KIF26B: variants seen among roughly 807,000 people sequenced by gnomAD.
KIF26B encodes the protein kinesin-like protein KIF26B.
A neutral mutation model predicts 151.2 loss-of-function variants in KIF26B; 63 were observed. The observed-to-expected ratio is 0.42, with a 90% CI of 0.34 to 0.51. The LOEUF (loss-of-function observed/expected upper bound fraction) is 0.51, where lower values mean the gene tolerates loss of function less well. Among genes scored for constraint, KIF26B ranks in the 20% least tolerant of loss-of-function variants. The pLI, the probability that KIF26B is intolerant of heterozygous loss-of-function variation, is 0.07. For missense variants in KIF26B, 2,813 were observed against 2,913.6 expected, an observed-to-expected ratio of 0.97 and a Z score of 0.79; for synonymous variants, 1,357 against 1,262.1, an observed-to-expected ratio of 1.08 and a Z score of -1.59.
intron 2 of KIF26B, among the ~76,000 whole-genome samples, chr1:245,214,996 G>A (rs1397955872): frequency 6.6e-6 from 1 of 152,040 alleles, no homozygotes; most frequent in Non-Finnish European, 1.5e-5. Flanking sequence ...TGAAGGAGGT[G>A]GCATGTCAGT....
rs149760234 is a variant in KIF26B at position 245,616,154 on chromosome 1, CAAA to C, written c.2098+4184_2098+4186del. The stretch of plus-strand genomic sequence containing the variant: ...CATTTTACACATATAAGTAGACAGA[CAAA>C]AAAAAGTTTTAAACATTTCCAGTCA... On this transcript the variant is annotated intron_variant, in intron 9 of 14. Coordinates refer to ENST00000407071, the MANE Select transcript of KIF26B (RefSeq NM_018012.4). 1.8e-4 allele frequency among the ~76,000 whole-genome samples: 28 copies of C among 151,862 alleles called. No homozygotes were observed. The East Asian group carries it at 4.8e-3, about 26-fold the overall frequency.
intron 2 of KIF26B, among the ~76,000 whole-genome samples, chr1:245,211,750 C>T (rs1669537615): frequency 6.6e-6 from 1 of 152,234 alleles, no homozygotes; most frequent in Non-Finnish European, 1.5e-5. Context: ...TTCTTCTCTT[C>T]CTCATCTTCC....
intron 4 of KIF26B, among the ~76,000 whole-genome samples, chr1:245,464,548 GGTGTGTTCCTGTGTGGGTGTGTGGGTGT>G (rs1200448185): frequency 4.5e-4 from 66 of 146,668 alleles, no homozygotes; most frequent in Admixed American, 2.7e-3. Flanking sequence ...GGTGTGCGTG[GGTGTGTTCCTGTGTGGGTGTGTGGGTGT>G]GTGTGCACGT....
At chr1:245,267,141 C>T (rs546944388) in intron 2 of KIF26B, among the ~76,000 whole-genome samples, 7 of 152,330 alleles carry the variant, frequency 4.6e-5, no homozygotes, top group African/African-American at 1.7e-4. Flanking sequence ...CTCCTCGCCG[C>T]CTGCCACATC....
intron 4 of KIF26B, chr1:245,511,147 T>A (rs773844743): frequency 1.4e-6 from 1 of 717,152 alleles, no homozygotes; most frequent in South Asian, 1.5e-5. Context: ...CGCAGTTATA[T>A]ATGTTGCTGG....
At chr1:245,517,668 G>A (rs933950556) in intron 4 of KIF26B, among the ~76,000 whole-genome samples, 10 of 152,096 alleles carry the variant, frequency 6.6e-5, no homozygotes, top group African/African-American at 2.4e-4. Flanking sequence ...CTATAATACC[G>A]GTGATAAGCC....
Position 245,540,638 on chromosome 1 carries a change from T to C in KIF26B, c.1167-129T>C. On this transcript the variant is annotated intron_variant, in intron 4 of 14. Transcript: ENST00000407071. The surrounding 1 kb of genome is among the most constrained non-coding windows in gnomAD (Gnocchi z 4.6). ...AGTAAGGGACTGCTACAGAGGACACTGAGCAGGAGGAGAGAAGGAATGATT... is the reference window on the plus strand; with the variant it reads ...AGTAAGGGACTGCTACAGAGGACACCGAGCAGGAGGAGAGAAGGAATGATT... 1.2e-6 allele frequency: 1 copy of C among 846,024 alleles called. No individual in the cohort carries two copies. The highest frequency in any genetic ancestry group is 1.3e-5 in the South Asian group (1 of 74,412). The allele number at this position is 846,024 out of a possible 1,614,324, so 52.4% of individuals were successfully genotyped here.
At chr1:245,290,100 T>G (rs1442039591) in intron 2 of KIF26B, among the ~76,000 whole-genome samples, 2 of 152,210 alleles carry the variant, frequency 1.3e-5, no homozygotes, top group Non-Finnish European at 1.5e-5. Flanking sequence ...GGTCAGGCAC[T>G]GTGTCTTGTC....
intron 10 of KIF26B, among the ~76,000 whole-genome samples, chr1:245,666,689 T>G (rs918115803): frequency 1.3e-5 from 2 of 152,030 alleles, no homozygotes; most frequent in African/African-American, 2.4e-5. Context: ...TTGTGGCCCT[T>G]TTTGAAACAC....
chr1:245,370,663 T>A (rs760475462), intron 3 of KIF26B: 1 of 455,952 alleles, frequency 2.2e-6, no homozygotes, highest in Admixed American at 2.4e-5. Context: ...CAGAGGAGCA[T>A]GAAACTGGTG....
At chr1:245,621,814 C>T (rs971414368) in intron 9 of KIF26B, among the ~76,000 whole-genome samples, 1 of 152,236 alleles carries the variant, frequency 6.6e-6, no homozygotes, top group Non-Finnish European at 1.5e-5. Context: ...AATTCTGTGC[C>T]TACGGCAACT....
chr1:245,541,697 C>T (rs938843975), intron 5 of KIF26B, among the ~76,000 whole-genome samples: 3 of 152,166 alleles, frequency 2.0e-5, no homozygotes, highest in Non-Finnish European at 2.9e-5. Context: ...GTGGTGCACA[C>T]GACCTCACTG....
chr1:245,523,385 A>T (rs1200043315), intron 4 of KIF26B, among the ~76,000 whole-genome samples: 7 of 152,132 alleles, frequency 4.6e-5, no homozygotes, highest in African/African-American at 1.7e-4. Context: ...GCAATTCTCT[A>T]CTCTAGATTG....
chr1:245,594,141 T>C (rs1029989437), intron 5 of KIF26B, among the ~76,000 whole-genome samples: 2 of 152,240 alleles, frequency 1.3e-5, no homozygotes, highest in African/African-American at 4.8e-5. Context: ...TGATGATAGT[T>C]TCTTTTGCTG....
Position 245,705,261 on chromosome 1 carries a change from C to A in KIF26B, c.*2655C>A, listed in dbSNP as rs918449795. The A allele has an allele frequency of 6.6e-6, 1 of 152,160 alleles. No homozygotes were observed. Among genetic ancestry groups the A allele is most frequent in the East Asian group, 1.9e-4 (1 of 5,196 alleles). The allele number at this position is 152,160 out of a possible 1,614,324, so 9.4% of individuals were successfully genotyped here. ...ATGCTTTATGTTGATGTTGTCCATT[C>A]TCTCTCTCTTCTCTTTGCTTTTTTT... On this transcript the variant is annotated 3_prime_UTR_variant, in exon 15 of 15. Coordinates refer to ENST00000407071, the MANE Select transcript of KIF26B (RefSeq NM_018012.4).
At chr1:245,362,172 C>G (rs1012908199) in intron 2 of KIF26B, among the ~76,000 whole-genome samples, 2 of 151,406 alleles carry the variant, frequency 1.3e-5, no homozygotes, top group South Asian at 2.1e-4. Context: ...CACACCCCAT[C>G]AAGCACAGGC....
Position 245,705,484 on chromosome 1 carries a change from A to ATGAT in KIF26B, c.*2879_*2882dup, listed in dbSNP as rs1286599284. ...AGGATGCCTTACCCAGTGGCCAGAC[A>ATGAT]TGATAGTTCCAGGTCTCCCCTTGGT... is the stretch of plus-strand genomic sequence containing the variant. On this transcript the variant is annotated 3_prime_UTR_variant, in exon 15 of 15. Coordinates refer to ENST00000407071, the MANE Select transcript of KIF26B (RefSeq NM_018012.4). 2 of 152,178 alleles carry ATGAT rather than the reference A, an allele frequency of 1.3e-5. No individual in the cohort carries two copies. The highest frequency in any genetic ancestry group is 4.8e-5 in the African/African-American group (2 of 41,450). 9.4% of individuals were successfully genotyped at this position (152,178 alleles called of 1,614,324 possible).
At chr1:245,681,404 T>G (rs2147949746) in intron 10 of KIF26B, among the ~76,000 whole-genome samples, 1 of 152,082 alleles carries the variant, frequency 6.6e-6, no homozygotes, top group Admixed American at 6.5e-5. Context: ...AGAGATGGGG[T>G]TTCACCGTGT....
chr1:245,170,913 C>T lies in KIF26B; in HGVS notation c.465+14230C>T, dbSNP rs1208531120. 6.6e-6 allele frequency among the ~76,000 whole-genome samples: 1 copy of T among 152,188 alleles called. No homozygotes were observed. Among genetic ancestry groups the T allele is most frequent in the Non-Finnish European group, 1.5e-5 (1 of 68,028 alleles). On this transcript the variant is annotated intron_variant, in intron 2 of 14. Transcript: ENST00000407071. The surrounding 1 kb of genome is among the most constrained non-coding windows in gnomAD (Gnocchi z 4.4). Reference sequence around the variant, plus strand: ...TGTTCATGTTTGGTTTAATTTTTCCCTTTATCTGGTAATTGATTCTGCACT... The same window carrying T: ...TGTTCATGTTTGGTTTAATTTTTCCTTTTATCTGGTAATTGATTCTGCACT...
Sources: gnomAD v4.1 joint callset for allele counts (sites outside exome capture counted in the v4.1 genomes callset) on GRCh38, gnomAD v4.1.1 for gene constraint, Gnocchi (gnomAD v3.1) non-coding constraint, MANE v1.5 for transcripts, NCBI Gene and HGNC (gene_info 2026-07-23, HGNC 2026-07-21) for gene names.